The following PEAK1 variants were observed in gnomAD, a reference collection of about 807,000 sequenced individuals.
PEAK1 encodes pseudopodium enriched atypical kinase 1.
PEAK1 carries 54 observed loss-of-function variants against 124.7 expected under a neutral mutation model. The ratio of observed to expected loss-of-function variants is 0.43; its 90% confidence interval spans 0.35 to 0.54. The LOEUF is 0.54. Among genes scored for constraint, PEAK1 ranks in the 20% least tolerant of loss-of-function variants. The pLI is 0.01. For synonymous variants in PEAK1, 719 were observed against 760.0 expected, an observed-to-expected ratio of 0.95 and a Z score of 0.89; for missense variants, 2,046 against 2,134.5, an observed-to-expected ratio of 0.96 and a Z score of 0.82.
At chr15:77,154,545 T>C (rs2054950005) in intron 8 of PEAK1, among the ~76,000 whole-genome samples, 1 of 152,252 alleles carries the variant, frequency 6.6e-6, no homozygotes, top group South Asian at 2.1e-4. Context: ...TAGCTGGTTA[T>C]TTTGCTCGTT....
Position 77,266,753 on chromosome 15 carries a change from C to T in PEAK1, c.-274-14227G>A, listed in dbSNP as rs2061755827. ...GCTCCCAGTTGGATGGTTACAGCAG[C>T]ATGTAGAGACCCACATCACGAACTT... On this transcript the variant is annotated intron_variant, in intron 5 of 9. Coordinates refer to ENST00000682557, the MANE Select transcript of PEAK1 (RefSeq NM_001385026.1). Among the ~76,000 whole-genome samples the T allele has an allele frequency of 2.6e-5, 4 of 152,256 alleles. No individual in the cohort carries two copies. The South Asian group carries it at 8.3e-4, about 32-fold the overall frequency.
intron 1 of PEAK1, chr15:77,419,085 A>T (rs1385979632): frequency 1.0e-6 from 1 of 985,308 alleles, no homozygotes; most frequent in African/African-American, 1.7e-5. Flanking sequence ...CTAACTCATC[A>T]CTACCCCCTC....
At chr15:77,237,096 T>C (rs2060158665) in intron 6 of PEAK1, among the ~76,000 whole-genome samples, 2 of 152,192 alleles carry the variant, frequency 1.3e-5, no homozygotes, top group East Asian at 1.9e-4. Context: ...ATACTATGAA[T>C]GCAGTTTTTA....
At chr15:77,344,792 G>A (rs1156564247) in intron 2 of PEAK1, among the ~76,000 whole-genome samples, 1 of 152,090 alleles carries the variant, frequency 6.6e-6, no homozygotes, top group Non-Finnish European at 1.5e-5. Flanking sequence ...TTATTCATAA[G>A]TGTTTTATTC....
At chr15:77,398,142 A>ACTCAATAG (rs1240469908) in intron 1 of PEAK1, among the ~76,000 whole-genome samples, 1 of 152,174 alleles carries the variant, frequency 6.6e-6, no homozygotes, top group East Asian at 1.9e-4. Flanking sequence ...AAAGCTCAGG[A>ACTCAATAG]CTCAATAGCT....
chr15:77,127,304 G>T (rs927352845), intron 9 of PEAK1, among the ~76,000 whole-genome samples: 1 of 152,188 alleles, frequency 6.6e-6, no homozygotes, highest in Non-Finnish European at 1.5e-5. Flanking sequence ...ATCCTTTTCA[G>T]TCTATGGTAT....
intron 9 of PEAK1, among the ~76,000 whole-genome samples, chr15:77,122,531 G>T (rs1356353575): frequency 6.6e-6 from 1 of 152,120 alleles, no homozygotes; most frequent in Non-Finnish European, 1.5e-5. Context: ...ATTCCAACTT[G>T]TGATTCTCAA....
intron 6 of PEAK1, among the ~76,000 whole-genome samples, chr15:77,205,268 C>CTTT (rs375154908): frequency 1.6e-5 from 2 of 126,472 alleles, no homozygotes; most frequent in Non-Finnish European, 3.5e-5. Flanking sequence ...GATCAAATGC[C>CTTT]TTTTTTTAAA....
chr15:77,153,307 T>C (rs2054823797), intron 8 of PEAK1, among the ~76,000 whole-genome samples: 1 of 152,230 alleles, frequency 6.6e-6, no homozygotes, highest in African/African-American at 2.4e-5. Context: ...CTGATGGTAG[T>C]TTGCATTTCT....
Position 77,181,625 on chromosome 15 carries a change from A to C in PEAK1, c.302T>G (p.Ile101Ser). Residue 101 changes from isoleucine (I) to serine (S), a missense_variant, in exon 7 of 10, where the codon ATC becomes AGC. Coordinates refer to ENST00000682557, the MANE Select transcript of PEAK1 (RefSeq NM_001385026.1). ...IQEHCENKPV[I>S]IGWNRNRAAL... ...AGCTCTGTTTCGGTTCCACCCTATG[A>C]TGACAGGTTTGTTCTCACAGTGTTC... The C allele has an allele frequency of 6.2e-7, 1 of 1,614,108 alleles. No individual in the cohort carries two copies. The highest frequency in any genetic ancestry group is 8.5e-7 in the Non-Finnish European group (1 of 1,180,020).
At position 77,365,241 on chromosome 15, in the gene PEAK1, C is replaced by CA; in HGVS notation, c.-665-17dup. The CA allele has an allele frequency of 1.2e-5, 12 of 971,404 alleles. No individual in the cohort carries two copies. The highest frequency in any genetic ancestry group is 1.3e-5 in the Non-Finnish European group (11 of 817,168). The allele number at this position is 971,404 out of a possible 1,614,324, so 60.2% of individuals were successfully genotyped here. A position where few individuals can be genotyped will look rare whatever the true frequency, so the allele number is the denominator to read the frequency against. ...GGGCAGATACCTGAATTGTAAAAAA[C>CA]AAACAGAAAAAGACATGGTCAATAT... On this transcript the variant is annotated splice_polypyrimidine_tract_variant and intron_variant, in intron 1 of 9. Transcript: ENST00000682557.
chr15:77,368,475 G>A (rs908691648), intron 1 of PEAK1, among the ~76,000 whole-genome samples: 5 of 150,924 alleles, frequency 3.3e-5, no homozygotes, highest in African/African-American at 9.7e-5. Context: ...CTGAGATCAC[G>A]CCACTGTACT....
Position 77,339,998 on chromosome 15 carries a change from G to A in PEAK1, c.-603+25165C>T, listed in dbSNP as rs556501812. 1.6e-3 allele frequency among the ~76,000 whole-genome samples: 237 copies of A among 152,262 alleles called. 2 individuals are homozygous for A. The highest frequency in any genetic ancestry group is 2.7e-3 in the Non-Finnish European group (187 of 68,018). On this transcript the variant is annotated intron_variant, in intron 2 of 9. Coordinates refer to ENST00000682557, the MANE Select transcript of PEAK1 (RefSeq NM_001385026.1). Reference sequence around the variant, plus strand: ...ATTCAAAACACAACACCAAATGCTGGCAAAGACATGGGGCAACAGGATCTC... The same window carrying A: ...ATTCAAAACACAACACCAAATGCTGACAAAGACATGGGGCAACAGGATCTC...
At chr15:77,140,253 C>G (rs1021178498) in intron 8 of PEAK1, among the ~76,000 whole-genome samples, 2 of 151,904 alleles carry the variant, frequency 1.3e-5, no homozygotes, top group African/African-American at 4.8e-5. Flanking sequence ...TTCAATGGAG[C>G]CAATATTACC....
chr15:77,249,625 T>C lies in PEAK1; in HGVS notation c.-115+2742A>G, dbSNP rs542682592. 3.0e-4 allele frequency among the ~76,000 whole-genome samples: 46 copies of C among 152,310 alleles called. No homozygotes were observed. In the Middle Eastern group the frequency reaches 0.014, roughly 45 times the overall value. On this transcript the variant is annotated intron_variant, in intron 6 of 9. Transcript: ENST00000682557. ...CTATGTACCTCATGGATGTGTTATA[T>C]GATTTCTGAACTGGGCTAGGTGGGA...
At chr15:77,227,120 G>T (rs2059712616) in intron 6 of PEAK1, among the ~76,000 whole-genome samples, 1 of 152,190 alleles carries the variant, frequency 6.6e-6, no homozygotes, top group African/African-American at 2.4e-5. Flanking sequence ...ATCTGAAACA[G>T]TTCAGGTACT....
Position 77,115,157 on chromosome 15 carries a change from C to T in PEAK1, c.4240G>A (p.Asp1414Asn), listed in dbSNP as rs773657178. ...PWEDPDDPEK[D>N]EDDMEETEED... is the part of the protein sequence containing the mutation. ...TCAGTCTCTTCCATGTCATCCTCAT[C>T]CTTTTCAGGGTCATCTGGATCCTCC... The change falls in exon 10 of 10, where the codon GAT becomes AAT. Residue 1414 changes from aspartate to asparagine, a missense_variant. Transcript: ENST00000682557. 1 of 1,614,144 alleles carries T rather than the reference C, an allele frequency of 6.2e-7. No homozygotes were observed. The highest frequency in any genetic ancestry group is 1.3e-5 in the African/African-American group (1 of 75,024).
Position 77,399,314 on chromosome 15 carries a change from A to G in PEAK1, c.-666+20692T>C, listed in dbSNP as rs567496128. The stretch of plus-strand genomic sequence containing the variant: ...ACATTCTTCATAGAAATAGAAAAAA[A>G]CAATTCTAAAATTTATATGGAACCA... On this transcript the variant is annotated intron_variant, in intron 1 of 9. Coordinates refer to ENST00000682557, the MANE Select transcript of PEAK1 (RefSeq NM_001385026.1). Among the ~76,000 whole-genome samples, 11 of 152,312 alleles carry G rather than the reference A, an allele frequency of 7.2e-5. No homozygotes were observed. The South Asian group carries it at 2.1e-3, about 29-fold the overall frequency.
At chr15:77,265,352 C>T (rs1015684084) in intron 5 of PEAK1, among the ~76,000 whole-genome samples, 3 of 152,160 alleles carry the variant, frequency 2.0e-5, no homozygotes, top group Non-Finnish European at 2.9e-5. Context: ...TCGCAACCTA[C>T]TCATCTGACA....
Sources: gnomAD v4.1 joint callset for allele counts (sites outside exome capture counted in the v4.1 genomes callset) on GRCh38, gnomAD v4.1.1 for gene constraint, MANE v1.5 for transcripts, NCBI Gene and HGNC (gene_info 2026-07-23, HGNC 2026-07-21) for gene names.